The following GULP1 variants were observed in gnomAD, a reference collection of about 807,000 sequenced individuals.
GULP1 encodes the protein PTB domain-containing engulfment adapter protein 1.
In GULP1, 19 loss-of-function variants were observed where a neutral mutation model predicts 40.9. That is an observed-to-expected ratio of 0.46 (90% CI 0.32 to 0.68). The LOEUF (loss-of-function observed/expected upper bound fraction) is 0.68, where lower values mean the gene tolerates loss of function less well. Ranked by LOEUF, GULP1 falls within the 30% of genes least tolerant of loss-of-function variation. The probability of loss-of-function intolerance (pLI) is 0.03; values close to 1 mark genes in which losing one functional copy is unlikely to be tolerated. For synonymous variants in GULP1, 119 were observed against 117.6 expected (o/e 1.01, Z -0.08); for missense variants, 312 against 362.2 (o/e 0.86, Z 1.12).
intron 2 of GULP1, among the ~76,000 whole-genome samples, chr2:188,428,211 C>T (rs576722739): frequency 2.0e-4 from 30 of 152,274 alleles, no homozygotes; most frequent in Non-Finnish European, 3.5e-4. Flanking sequence ...AAGGAACTAA[C>T]TTGCTTTTGA....
intron 2 of GULP1, among the ~76,000 whole-genome samples, chr2:188,453,967 C>T (rs1398917589): frequency 6.6e-6 from 1 of 152,200 alleles, no homozygotes; most frequent in Non-Finnish European, 1.5e-5. Context: ...CTGGTCACTC[C>T]ATCTGGTAAT....
chr2:188,344,374 G>A (rs909268098), intron 1 of GULP1, among the ~76,000 whole-genome samples: 1 of 152,138 alleles, frequency 6.6e-6, no homozygotes, highest in Admixed American at 6.5e-5. Context: ...GAATCAGTCT[G>A]GTGAGTGGTG....
chr2:188,592,848 T>TA, intron 11 of GULP1: 1 of 152,188 alleles, frequency 6.6e-6, no homozygotes, highest in South Asian at 2.1e-4. Context: ...TCCAATTAAA[T>TA]AAAACACCCA....
intron 4 of GULP1, among the ~76,000 whole-genome samples, chr2:188,514,088 CT>C (rs2064930912): frequency 1.9e-5 from 1 of 51,892 alleles, no homozygotes; most frequent in Non-Finnish European, 5.1e-5. Context: ...TGTGTGCGCC[CT>C]GCCACTGGGT....
chr2:188,409,042 G>C (rs1228375707), intron 2 of GULP1, among the ~76,000 whole-genome samples: 1 of 151,860 alleles, frequency 6.6e-6, no homozygotes, highest in East Asian at 1.9e-4. Context: ...AAAAAAGAAA[G>C]AAAAAGAAGC....
chr2:188,469,275 T>C (rs774167231), intron 2 of GULP1, among the ~76,000 whole-genome samples: 16 of 152,228 alleles, frequency 1.1e-4, no homozygotes, highest in Non-Finnish European at 1.9e-4. Context: ...GGAAGTGTCC[T>C]GCATCTCATC....
At chr2:188,364,589 A>C (rs59058494) in intron 1 of GULP1, among the ~76,000 whole-genome samples, 1 of 151,950 alleles carries the variant, frequency 6.6e-6, no homozygotes, top group Non-Finnish European at 1.5e-5. Context: ...GATGCTAGTC[A>C]TGTAACCTAT....
At position 188,291,903 on chromosome 2, in the gene GULP1, C is replaced by CCCCGCGTCCCAGCGTCCCG. The variant is rs1559075279; in HGVS notation, c.-435_-434insCCCGCGTCCCAGCGTCCCG. On this transcript the variant is annotated 5_prime_UTR_variant, in exon 1 of 12. Transcript: ENST00000409830. ...CCGGCCGGGAGCGACCCGGAGTCCC[C>CCCCGCGTCCCAGCGTCCCG]AGCCCCGCGTCCCAGCTGCCGCCAG... is the stretch of plus-strand genomic sequence containing the variant. 6.6e-6 allele frequency: 1 copy of CCCCGCGTCCCAGCGTCCCG among 152,102 alleles called. No homozygotes were observed. Among genetic ancestry groups the CCCCGCGTCCCAGCGTCCCG allele is most frequent in the African/African-American group, 2.4e-5 (1 of 41,288 alleles). 9.4% of individuals were successfully genotyped at this position (152,102 alleles called of 1,614,324 possible). A position where few individuals can be genotyped will look rare whatever the true frequency, so the allele number is the denominator to read the frequency against.
chr2:188,424,182 T>C (rs1283076749), intron 2 of GULP1, among the ~76,000 whole-genome samples: 2 of 151,898 alleles, frequency 1.3e-5, no homozygotes, highest in Non-Finnish European at 2.9e-5. Flanking sequence ...TAGTAACAAA[T>C]GGAAAATGCC....
At chr2:188,487,960 A>C (rs1052653337) in intron 4 of GULP1, among the ~76,000 whole-genome samples, 1 of 151,998 alleles carries the variant, frequency 6.6e-6, no homozygotes, top group Admixed American at 6.6e-5. Context: ...TTCAAAATAC[A>C]AACAAAATGA....
At chr2:188,533,275 A>G (rs1688044714) in intron 6 of GULP1, among the ~76,000 whole-genome samples, 1 of 152,194 alleles carries the variant, frequency 6.6e-6, no homozygotes, top group South Asian at 2.1e-4. Context: ...CTGGGCTTAG[A>G]AAAAGTCTGT....
chr2:188,397,810 G>A (rs2051501162), intron 2 of GULP1, among the ~76,000 whole-genome samples: 1 of 152,174 alleles, frequency 6.6e-6, no homozygotes, highest in African/African-American at 2.4e-5. Flanking sequence ...CTTATGATAT[G>A]GAAGCTGTCT....
chr2:188,395,065 C>T (rs1189484082), intron 2 of GULP1, among the ~76,000 whole-genome samples: 1 of 152,146 alleles, frequency 6.6e-6, no homozygotes, highest in Non-Finnish European at 1.5e-5. Flanking sequence ...GTGGCTAAAG[C>T]AGGTGGATAA....
chr2:188,594,969 TA>T lies in GULP1; in HGVS notation c.*962del, dbSNP rs1412016286. 4 of 151,410 alleles carry T rather than the reference TA, an allele frequency of 2.6e-5. No individual in the cohort carries two copies. Among genetic ancestry groups the T allele is most frequent in the African/African-American group, 9.7e-5 (4 of 41,288 alleles). 9.4% of individuals were successfully genotyped at this position (151,410 alleles called of 1,614,324 possible). ...TGATGCCCTCTTGGTTTTGATACTT[TA>T]AAATCTGTGGCACCCGTTCTACATG... On this transcript the variant is annotated 3_prime_UTR_variant, in exon 12 of 12. Transcript: ENST00000409830.
intron 1 of GULP1, among the ~76,000 whole-genome samples, chr2:188,299,783 A>G (rs2035801486): frequency 6.6e-6 from 1 of 152,190 alleles, no homozygotes; most frequent in African/African-American, 2.4e-5. Flanking sequence ...GAAGCAGTGT[A>G]TGGAAAGAAT....
chr2:188,518,389 A>G (rs1486319926), intron 4 of GULP1, among the ~76,000 whole-genome samples: 1 of 152,068 alleles, frequency 6.6e-6, no homozygotes, highest in East Asian at 1.9e-4. Context: ...CTCACCTCCA[A>G]ACAAATAAGC....
intron 7 of GULP1, among the ~76,000 whole-genome samples, chr2:188,546,845 A>G (rs936822314): frequency 1.2e-4 from 19 of 152,144 alleles, no homozygotes; most frequent in Non-Finnish European, 2.2e-4. Flanking sequence ...CAAGTTACCA[A>G]TATTTAGAAT....
intron 1 of GULP1, among the ~76,000 whole-genome samples, chr2:188,304,632 C>T (rs896632684): frequency 9.9e-5 from 15 of 152,134 alleles, no homozygotes; most frequent in African/African-American, 3.4e-4. Context: ...GAATGTAACA[C>T]CTTTGAATTA....
intron 2 of GULP1, among the ~76,000 whole-genome samples, chr2:188,385,726 C>G (rs2049634829): frequency 6.6e-6 from 1 of 152,104 alleles, no homozygotes; most frequent in African/African-American, 2.4e-5. Flanking sequence ...CCGAAATCAC[C>G]TCTCTCAAGT....
Sources: allele counts gnomAD v4.1 joint callset (sites outside exome capture counted in the v4.1 genomes callset), GRCh38; gene constraint gnomAD v4.1.1; transcripts MANE v1.5; gene names NCBI Gene and HGNC (gene_info 2026-07-23, HGNC 2026-07-21).